The following STX1B variants were observed in gnomAD, a reference collection of about 807,000 sequenced individuals.
The protein encoded by STX1B is syntaxin-1B.
A neutral mutation model predicts 39.4 loss-of-function variants in STX1B; 7 were observed. The observed-to-expected ratio is 0.18, with a 90% confidence interval of 0.10 to 0.33. The LOEUF (loss-of-function observed/expected upper bound fraction) is 0.33. Ranked by LOEUF, STX1B falls within the 10% of genes least tolerant of loss-of-function variation. STX1B has a pLI of 1.00. For missense variants in STX1B, 198 were observed against 383.2 expected (o/e 0.52, Z 4.04); for synonymous variants, 136 against 144.1 (o/e 0.94, Z 0.40).
At chr16:31,002,692 G>A (rs888199943) in intron 1 of STX1B, among the ~76,000 whole-genome samples, 2 of 152,160 alleles carry the variant, frequency 1.3e-5, no homozygotes, top group Non-Finnish European at 2.9e-5. Context: ...TGGGACAGAG[G>A]TCTGACAGCA....
At chr16:30,999,686 G>T (rs991436349) in intron 4 of STX1B, among the ~76,000 whole-genome samples, 26 of 152,230 alleles carry the variant, frequency 1.7e-4, no homozygotes, top group Non-Finnish European at 4.4e-5. Flanking sequence ...AGAGGCATTT[G>T]CTGGGCCCAC....
chr16:31,000,795 T>G, intron 4 of STX1B, 133 bp downstream of exon 4: 1 of 860,420 alleles, frequency 1.2e-6, no homozygotes, highest in East Asian at 2.5e-5. Flanking sequence ...GACAGAGTTT[T>G]GCCATGTTGC....
At chr16:30,994,531 A>T (rs2143664033) in intron 7 of STX1B, among the ~76,000 whole-genome samples, 1 of 151,234 alleles carries the variant, frequency 6.6e-6, no homozygotes. Flanking sequence ...TCGAGGCTGC[A>T]GTGAGCTATG....
intron 7 of STX1B, 99 bp from the exon 8 acceptor site, chr16:30,993,583 C>T: frequency 7.0e-7 from 1 of 1,418,930 alleles, no homozygotes; most frequent in Non-Finnish European, 9.8e-7. Context: ...CATTTACTAG[C>T]TGAAACCTTA....
At chr16:30,997,099 G>GT in intron 5 of STX1B, 40 bp from the exon 6 acceptor site, 1 of 1,436,090 alleles carries the variant, frequency 7.0e-7, no homozygotes, top group Non-Finnish European at 9.8e-7. Context: ...CAGGGAGGTA[G>GT]TCAGGGATCA....
Position 30,996,864 on chromosome 16 carries a change from A to C in STX1B, c.463+87T>G. On this transcript the variant is annotated intron_variant, in intron 6 of 9. Transcript: ENST00000215095. ...CCACCCTCCCACGCCGCCTTAAGCCAGGGGCCCCCTCCAGAGAGGAAATGC... is the reference window on the plus strand; with the variant it reads ...CCACCCTCCCACGCCGCCTTAAGCCCGGGGCCCCCTCCAGAGAGGAAATGC... 3.2e-6 allele frequency: 5 copies of C among 1,564,112 alleles called. No homozygotes were observed. In the South Asian group the frequency reaches 5.6e-5, roughly 17 times the overall value.
chr16:30,996,710 G>A lies in STX1B; in HGVS notation c.510C>T (p.Ser170=), dbSNP rs1487137106. ...CATCTGTGAAGATGGCCAGCTTCCC[G>A]CTCTCCAGCATGTCTTCCAGTTCTT... ...TNEELEDMLE[S]GKLAIFTDDI... The change falls in exon 7 of 10, where the codon AGC becomes AGT. Residue 170 remains serine (S), a synonymous_variant. Transcript: ENST00000215095. The A allele has an allele frequency of 3.7e-6, 6 of 1,614,060 alleles. No individual in the cohort carries two copies. The highest frequency in any genetic ancestry group is 5.1e-6 in the Non-Finnish European group (6 of 1,179,922).
At chr16:30,996,414 G>A in intron 7 of STX1B, 1 of 375,222 alleles carries the variant, frequency 2.7e-6, no homozygotes, top group Non-Finnish European at 4.9e-6. Context: ...GTGAAATGGG[G>A]TTTCCTCGAA....
In STX1B at chr16:30,993,407, C is replaced by T; in HGVS notation, c.615G>A (p.Glu205=). The change falls in exon 8 of 10, where the codon GAG becomes GAA. Residue 205 remains glutamate (E), a synonymous_variant. Transcript: ENST00000215095. ...ETRHNEIIKL[E]TSIRELHDMF... ...TATCGTGCAGCTCGCGGATGCTGGT[C>T]TCCAGCTTGATGATCTCATTGTGCC... 6.2e-7 allele frequency: 1 copy of T among 1,614,122 alleles called. No homozygotes were observed. Among genetic ancestry groups the T allele is most frequent in the South Asian group, 1.1e-5 (1 of 91,072 alleles).
At chr16:31,000,851 C>G in intron 4 of STX1B, 77 bp downstream of exon 4, 7 of 1,465,260 alleles carry the variant, frequency 4.8e-6, no homozygotes, top group Non-Finnish European at 6.7e-6. Flanking sequence ...GGCCCCGCCT[C>G]GCCCTCCCAA....
chr16:30,993,118 T>G lies in STX1B; in HGVS notation c.786+12A>C. On this transcript the variant is annotated intron_variant, in intron 9 of 9. Coordinates refer to ENST00000215095, the MANE Select transcript of STX1B (RefSeq NM_052874.5). ...CTCCCCCGCCTACCCCCAGGCCGCC[T>G]GCCCCGCTCACCCTCCGGGCCTTGC... 6.2e-7 allele frequency: 1 copy of G among 1,613,198 alleles called. No homozygotes were observed. The highest frequency in any genetic ancestry group is 8.5e-7 in the Non-Finnish European group (1 of 1,179,176).
At chr16:31,008,856 A>G (rs2056667269) in intron 1 of STX1B, among the ~76,000 whole-genome samples, 1 of 152,206 alleles carries the variant, frequency 6.6e-6, no homozygotes, top group Admixed American at 6.5e-5. Context: ...ACATATATCT[A>G]TATATCTAAA....
chr16:31,000,684 G>A (rs1005048458), intron 4 of STX1B, among the ~76,000 whole-genome samples: 4 of 152,140 alleles, frequency 2.6e-5, no homozygotes, highest in South Asian at 4.2e-4. Flanking sequence ...TAGAGATGGG[G>A]TTTCACCATC....
In STX1B at chr16:30,997,066, TG is replaced by T; in HGVS notation, c.355-8del. Reference sequence around the variant, plus strand: ...TCCGGGACAGTGTGGAGTGCTACGGTGGGGGTGGGGGGACAGACGGATCAGG... The same window carrying T: ...TCCGGGACAGTGTGGAGTGCTACGGTGGGGTGGGGGGACAGACGGATCAGG... On this transcript the variant is annotated splice_polypyrimidine_tract_variant and splice_region_variant and intron_variant, in intron 5 of 9. Coordinates refer to ENST00000215095, the MANE Select transcript of STX1B (RefSeq NM_052874.5). 1 of 1,124,510 alleles carries T rather than the reference TG, an allele frequency of 8.9e-7. No individual in the cohort carries two copies. The highest frequency in any genetic ancestry group is 1.2e-6 in the Non-Finnish European group (1 of 856,996). The allele number at this position is 1,124,510 out of a possible 1,614,324, so 69.7% of individuals were successfully genotyped here. A position where few individuals can be genotyped will look rare whatever the true frequency, so the allele number is the denominator to read the frequency against.
At chr16:30,997,452 C>G in intron 5 of STX1B, 50 bp downstream of exon 5, 4 of 1,517,522 alleles carry the variant, frequency 2.6e-6, no homozygotes, top group East Asian at 4.7e-5. Flanking sequence ...AGCCTGGGCT[C>G]CTCCCGAGCT....
At chr16:31,009,104 T>A (rs956352462) in intron 1 of STX1B, among the ~76,000 whole-genome samples, 1 of 152,096 alleles carries the variant, frequency 6.6e-6, no homozygotes, top group African/African-American at 2.4e-5. Flanking sequence ...GAGACAGCGG[T>A]CACTTGCCTC....
chr16:31,004,858 A>G (rs570790162), intron 1 of STX1B, among the ~76,000 whole-genome samples: 1 of 152,246 alleles, frequency 6.6e-6, no homozygotes, highest in Admixed American at 6.5e-5. Flanking sequence ...TTCACAGCAA[A>G]TGAGGCCAGA....
At chr16:30,993,942 C>T (rs1242333191) in intron 7 of STX1B, among the ~76,000 whole-genome samples, 3 of 149,522 alleles carry the variant, frequency 2.0e-5, no homozygotes, top group South Asian at 4.2e-4. Context: ...GCTGAGATCA[C>T]GCCACTGCAC....
rs769977265 is a variant in STX1B at position 30,993,497 on chromosome 16, G to A, written c.538-13C>T. 5 of 1,612,878 alleles carry A rather than the reference G, an allele frequency of 3.1e-6. No homozygotes were observed. Among genetic ancestry groups the A allele is most frequent in the Non-Finnish European group, 3.4e-6 (4 of 1,179,888 alleles). On this transcript the variant is annotated splice_polypyrimidine_tract_variant and intron_variant, in intron 7 of 9. Transcript: ENST00000215095. ...AGTCCATTTTGATCTAGGGTGACGA[G>A]GGAGAGAGCTACAATCACCCTTCTC...
Sources: gnomAD v4.1 joint callset for allele counts (sites outside exome capture counted in the v4.1 genomes callset) on GRCh38, gnomAD v4.1.1 for gene constraint, MANE v1.5 for transcripts, NCBI Gene and HGNC (gene_info 2026-07-23, HGNC 2026-07-21) for gene names.